ELP3: variants seen among roughly 807,000 people sequenced by gnomAD.
ELP3 encodes the protein elongator acetyltransferase complex subunit 3.
Under a neutral mutation model 74.9 loss-of-function variants are expected in ELP3, and 56 were observed. That is an observed-to-expected ratio of 0.75 (90% CI 0.60 to 0.93). ELP3 has a LOEUF of 0.93. Among genes scored for constraint, ELP3 ranks in the 40% least tolerant of loss-of-function variants. ELP3 has a pLI of 0.00. For missense variants in ELP3, 573 were observed against 686.5 expected (o/e 0.83, Z 1.85); for synonymous variants, 222 against 239.8 (o/e 0.93, Z 0.68).
chr8:28,167,231 C>T (rs771335925), intron 14 of ELP3, among the ~76,000 whole-genome samples: 7 of 152,178 alleles, frequency 4.6e-5, no homozygotes, highest in Non-Finnish European at 1.0e-4. Context: ...CCTAAAACTA[C>T]ATCACAGTGC....
chr8:28,091,148 C>A (rs147601815), upstream of ELP3, among the ~76,000 whole-genome samples: 1 of 151,914 alleles, frequency 6.6e-6, no homozygotes, highest in East Asian at 1.9e-4. Flanking sequence ...CCTTGTGATC[C>A]GCCCACCTCG....
chr8:28,110,694 T>C (rs1811883835), intron 6 of ELP3: 1 of 362,440 alleles, frequency 2.8e-6, no homozygotes, highest in Non-Finnish European at 5.0e-6. Context: ...TAGAAAGTCA[T>C]TTGTAGTATG....
chr8:28,102,205 T>G (rs544900743), intron 3 of ELP3, among the ~76,000 whole-genome samples: 1 of 152,324 alleles, frequency 6.6e-6, no homozygotes, highest in African/African-American at 2.4e-5. Context: ...CAGACTCCTG[T>G]CAGATTGTCA....
intron 14 of ELP3, among the ~76,000 whole-genome samples, chr8:28,184,277 G>A (rs1021301744): frequency 1.3e-5 from 2 of 152,192 alleles, no homozygotes; most frequent in Admixed American, 1.3e-4. Flanking sequence ...ACTTCTCAGA[G>A]GACCTGGAGA....
At chr8:28,186,863 T>C (rs1190595257) in intron 14 of ELP3, among the ~76,000 whole-genome samples, 1 of 152,200 alleles carries the variant, frequency 6.6e-6, no homozygotes, top group Admixed American at 6.5e-5. Context: ...CTCTCAGTAA[T>C]AGGGATTAAG....
intron 7 of ELP3, among the ~76,000 whole-genome samples, chr8:28,120,842 G>A (rs761235918): frequency 1.3e-4 from 20 of 152,028 alleles, no homozygotes; most frequent in Non-Finnish European, 2.6e-4. Flanking sequence ...GTTAAAAATC[G>A]AAGGACTCAG....
chr8:28,179,255 A>G (rs1314939231), intron 14 of ELP3, among the ~76,000 whole-genome samples: 3 of 152,202 alleles, frequency 2.0e-5, no homozygotes, highest in Admixed American at 6.5e-5. Flanking sequence ...TATCTTTGCT[A>G]TATCTTCAAA....
chr8:28,116,859 G>GA (rs1044126422), intron 7 of ELP3, among the ~76,000 whole-genome samples: 4 of 152,250 alleles, frequency 2.6e-5, no homozygotes, highest in Admixed American at 2.6e-4. Context: ...TAATAATACT[G>GA]AAAAATCAAA....
chr8:28,100,155 T>C (rs1329011661), intron 3 of ELP3, among the ~76,000 whole-genome samples, 189 bp downstream of exon 3: 1 of 152,170 alleles, frequency 6.6e-6, no homozygotes, highest in Non-Finnish European at 1.5e-5. Flanking sequence ...GAAAAAAATA[T>C]AATTGTGATT....
chr8:28,181,499 T>C (rs1815009008), intron 14 of ELP3, among the ~76,000 whole-genome samples: 1 of 152,264 alleles, frequency 6.6e-6, no homozygotes, highest in South Asian at 2.1e-4. Flanking sequence ...CTAAGCCATA[T>C]TGTTAACAAT....
At chr8:28,104,862 A>G in intron 3 of ELP3, among the ~76,000 whole-genome samples, 1 of 152,216 alleles carries the variant, frequency 6.6e-6, no homozygotes, top group Non-Finnish European at 1.5e-5. Context: ...AATACTGAGA[A>G]ACTAGGTGGA....
chr8:28,167,954 A>G (rs2130571321), intron 14 of ELP3, among the ~76,000 whole-genome samples: 1 of 152,344 alleles, frequency 6.6e-6, no homozygotes, highest in East Asian at 1.9e-4. Flanking sequence ...TCAGACTGGA[A>G]TTGATGATAT....
intron 8 of ELP3, among the ~76,000 whole-genome samples, chr8:28,131,808 C>G (rs1252425882): frequency 6.6e-6 from 1 of 152,200 alleles, no homozygotes; most frequent in East Asian, 1.9e-4. Flanking sequence ...AGGTTTCACT[C>G]TTCCTCCCTG....
chr8:28,142,541 T>C (rs1284869255), intron 10 of ELP3, among the ~76,000 whole-genome samples: 1 of 152,214 alleles, frequency 6.6e-6, no homozygotes, highest in Non-Finnish European at 1.5e-5. Context: ...CAAGAGGCAG[T>C]GGTGCAATCT....
At chr8:28,097,976 T>C (rs1249431321) in intron 2 of ELP3, among the ~76,000 whole-genome samples, 4 of 152,158 alleles carry the variant, frequency 2.6e-5, no homozygotes, top group African/African-American at 4.8e-5. Context: ...CCAGAGCCCA[T>C]GTTCTTCTGT....
In ELP3 at chr8:28,155,987, C is replaced by T; in HGVS notation, c.1146C>T (p.Asn382=). The change falls in exon 11 of 15, where the codon AAC becomes AAT. Residue 382 remains asparagine (N), a synonymous_variant. Coordinates refer to ENST00000256398, the MANE Select transcript of ELP3 (RefSeq NM_018091.6). ...TTAGCTCAGGAGTAGAGCATGGTAA[C>T]CTGAGAGAGCTGGCACTTGCAAGAA... ...PLVSSGVEHG[N]LRELALARMK... is the part of the protein sequence containing the mutation. The T allele has an allele frequency of 6.2e-7, 1 of 1,613,954 alleles. No homozygotes were observed. Among genetic ancestry groups the T allele is most frequent in the Non-Finnish European group, 8.5e-7 (1 of 1,179,886 alleles).
At chr8:28,104,712 C>T (rs1009858691) in intron 3 of ELP3, among the ~76,000 whole-genome samples, 7 of 152,180 alleles carry the variant, frequency 4.6e-5, no homozygotes, top group East Asian at 1.9e-4. Context: ...ACGTTCTTCT[C>T]GTCATCTCCC....
intron 2 of ELP3, among the ~76,000 whole-genome samples, chr8:28,097,655 C>T (rs1216979098): frequency 6.6e-6 from 1 of 152,080 alleles, no homozygotes; most frequent in Non-Finnish European, 1.5e-5. Context: ...CTCGGCCTCC[C>T]AAAGTGCTGG....
At chr8:28,128,038 AC>A in intron 7 of ELP3, among the ~76,000 whole-genome samples, 1 of 152,352 alleles carries the variant, frequency 6.6e-6, no homozygotes, top group South Asian at 2.1e-4. Context: ...TATGATTTTT[AC>A]TTTTCAGTAA....
Sources: allele counts gnomAD v4.1 joint callset (sites outside exome capture counted in the v4.1 genomes callset), GRCh38; gene constraint gnomAD v4.1.1; transcripts MANE v1.5; gene names NCBI Gene and HGNC (gene_info 2026-07-23, HGNC 2026-07-21).